The following EGFLAM variants were observed in gnomAD, a reference collection of about 807,000 sequenced individuals.
EGFLAM encodes the protein EGF like, fibronectin type III and laminin G domains.
EGFLAM carries 79 observed loss-of-function variants against 113.1 expected under a neutral mutation model. The ratio of observed to expected loss-of-function variants is 0.70; its 90% CI spans 0.58 to 0.84. The LOEUF (loss-of-function observed/expected upper bound fraction) is 0.84, where lower values mean the gene tolerates loss of function less well. Among genes scored for constraint, EGFLAM ranks in the 40% least tolerant of loss-of-function variants. EGFLAM has a pLI of 0.00. For synonymous variants in EGFLAM, 504 were observed against 487.6 expected (o/e 1.03, Z -0.44); for missense variants, 1,265 against 1,291.6 (o/e 0.98, Z 0.32).
chr5:38,299,081 T>G (rs1162027135), intron 1 of EGFLAM, among the ~76,000 whole-genome samples: 1 of 152,206 alleles, frequency 6.6e-6, no homozygotes, highest in Non-Finnish European at 1.5e-5. Context: ...GATAAGGAAA[T>G]GACCCCTGGG....
rs138340288 is a variant in EGFLAM at position 38,401,471 on chromosome 5, T to C, written c.713-4655T>C. Among the ~76,000 whole-genome samples, 481 of 152,310 alleles carry C rather than the reference T, an allele frequency of 3.2e-3. 1 individual carries two copies. The highest frequency in any genetic ancestry group is 0.014 in the Middle Eastern group (4 of 294). ...TCTGTGGCCTCGGTTTCCATGCTTG[T>C]GAAATGACAAGATTGGGCTGGATGG... On this transcript the variant is annotated intron_variant, in intron 6 of 21. Coordinates refer to ENST00000322350, the MANE Select transcript of EGFLAM (RefSeq NM_152403.4).
chr5:38,453,297 G>A (rs1742980821), intron 19 of EGFLAM, among the ~76,000 whole-genome samples: 1 of 152,174 alleles, frequency 6.6e-6, no homozygotes, highest in African/African-American at 2.4e-5. Flanking sequence ...TGATATGAAA[G>A]TAATTGAATT....
At chr5:38,463,350 T>G (rs1743354479) in intron 21 of EGFLAM, among the ~76,000 whole-genome samples, 2 of 152,232 alleles carry the variant, frequency 1.3e-5, no homozygotes, top group Non-Finnish European at 2.9e-5. Context: ...GACTAGTATT[T>G]CTGTAAATGG....
In EGFLAM at chr5:38,407,759, A is replaced by C. The variant is rs142825514; in HGVS notation, c.1148-46A>C. On this transcript the variant is annotated intron_variant, in intron 8 of 21. Transcript: ENST00000322350. ...TGTATATTGATTTTTGCTTTTGAAG[A>C]AGTGAGGAAATAGCATTCTTTTGTG... 82 of 1,455,174 alleles carry C rather than the reference A, an allele frequency of 5.6e-5. No homozygotes were observed. In the African/African-American group the frequency reaches 1.1e-3, roughly 19 times the overall value. 90.1% of individuals were successfully genotyped at this position (1,455,174 alleles called of 1,614,324 possible).
intron 6 of EGFLAM, among the ~76,000 whole-genome samples, chr5:38,374,154 G>A (rs989695481): frequency 6.6e-6 from 1 of 151,938 alleles, no homozygotes; most frequent in Admixed American, 6.6e-5. Context: ...TGAGTTTTTG[G>A]CCACTTGTAT....
chr5:38,342,418 G>A (rs1249373461), intron 3 of EGFLAM, among the ~76,000 whole-genome samples: 2 of 152,140 alleles, frequency 1.3e-5, no homozygotes, highest in Admixed American at 1.3e-4. Flanking sequence ...AGTAAGATAG[G>A]ACCGATTACC....
Position 38,332,260 on chromosome 5 carries a change from T to C in EGFLAM, c.98-5260T>C, listed in dbSNP as rs145212196. On this transcript the variant is annotated intron_variant, in intron 1 of 21. Coordinates refer to ENST00000322350, the MANE Select transcript of EGFLAM (RefSeq NM_152403.4). ...AGATGTCTGTTAAGGTCTTGGTCCA[T>C]CTTTCTTTTTTGGTTTGTTTTCTTT... Among the ~76,000 whole-genome samples the C allele has an allele frequency of 2.0e-4, 30 of 152,308 alleles. No homozygotes were observed. The East Asian group carries it at 5.4e-3, about 27-fold the overall frequency.
At chr5:38,459,372 A>G (rs187960795) in intron 20 of EGFLAM, among the ~76,000 whole-genome samples, 346 of 151,864 alleles carry the variant, frequency 2.3e-3, no homozygotes, top group Middle Eastern at 6.8e-3. Context: ...CCCCAATTAC[A>G]TATCTCCCCC....
intron 1 of EGFLAM, among the ~76,000 whole-genome samples, chr5:38,325,660 C>G (rs1284235195): frequency 6.6e-6 from 1 of 152,138 alleles, no homozygotes; most frequent in Admixed American, 6.5e-5. Flanking sequence ...TAAATAAATT[C>G]AAGTGGTAAA....
chr5:38,388,587 A>AAAAAAT (rs1554010580), intron 6 of EGFLAM, among the ~76,000 whole-genome samples: 28 of 150,722 alleles, frequency 1.9e-4, no homozygotes, highest in African/African-American at 6.9e-4. Context: ...CTACTAAAAA[A>AAAAAAT]ATATATATAT....
In EGFLAM at chr5:38,294,752, T is replaced by C. The variant is rs755595956; in HGVS notation, c.97+35901T>C. Among the ~76,000 whole-genome samples the C allele has an allele frequency of 6.6e-5, 10 of 152,338 alleles. No homozygotes were observed. In the Middle Eastern group the frequency reaches 0.01, roughly 155 times the overall value. On this transcript the variant is annotated intron_variant, in intron 1 of 21. Transcript: ENST00000322350. ...ATCTCCCTTTCCAGAAAGTATATAATAATTTGAATCCAAATGATATTAATT... is the reference window on the plus strand; with the variant it reads ...ATCTCCCTTTCCAGAAAGTATATAACAATTTGAATCCAAATGATATTAATT...
chr5:38,335,103 G>T (rs1313427168), intron 1 of EGFLAM, among the ~76,000 whole-genome samples: 1 of 152,128 alleles, frequency 6.6e-6, no homozygotes, highest in Non-Finnish European at 1.5e-5. Flanking sequence ...GGACACAAGA[G>T]CTCTGTTTTA....
chr5:38,362,626 G>A (rs1266415693), intron 5 of EGFLAM, among the ~76,000 whole-genome samples: 2 of 152,198 alleles, frequency 1.3e-5, no homozygotes, highest in African/African-American at 2.4e-5. Flanking sequence ...TTGCTTGGAT[G>A]TCAGCTGGGA....
At position 38,458,318 on chromosome 5, in the gene EGFLAM, C is replaced by T. The variant is rs561235439; in HGVS notation, c.2695C>T (p.Leu899=). 1 of 1,613,770 alleles carries T rather than the reference C, an allele frequency of 6.2e-7. No homozygotes were observed. The highest frequency in any genetic ancestry group is 1.3e-5 in the African/African-American group (1 of 75,020). The part of the protein sequence containing the change: ...RDGALVFSYN[L]GSGVASIMVN... ...TCTTCTCCAATGCCTTAGCTATAAC[C>T]TGGGCAGTGGTGTGGCATCCATCAT... Residue 899 remains leucine, a synonymous_variant, in exon 20 of 22, where the codon CTG becomes TTG. Coordinates refer to ENST00000322350, the MANE Select transcript of EGFLAM (RefSeq NM_152403.4).
chr5:38,391,364 T>C (rs1204466879), intron 6 of EGFLAM, among the ~76,000 whole-genome samples: 1 of 151,036 alleles, frequency 6.6e-6, no homozygotes, highest in Non-Finnish European at 1.5e-5. Flanking sequence ...CACAGTGTTT[T>C]AATTTCTTTT....
intron 17 of EGFLAM, among the ~76,000 whole-genome samples, chr5:38,446,480 G>GC (rs1215079977): frequency 6.6e-6 from 1 of 151,600 alleles, no homozygotes; most frequent in African/African-American, 2.4e-5. Flanking sequence ...TTGCCATTTT[G>GC]CCCCCCAACT....
chr5:38,396,578 T>C (rs1273957382), intron 6 of EGFLAM, among the ~76,000 whole-genome samples: 1 of 152,236 alleles, frequency 6.6e-6, no homozygotes, highest in Non-Finnish European at 1.5e-5. Context: ...GCTGTGTACA[T>C]AGCACTGAAT....
At chr5:38,456,498 T>C (rs1248648171) in intron 19 of EGFLAM, among the ~76,000 whole-genome samples, 2 of 152,202 alleles carry the variant, frequency 1.3e-5, no homozygotes, top group Non-Finnish European at 2.9e-5. Flanking sequence ...GGCTGCTTTA[T>C]ACAAGGAGGT....
At position 38,313,365 on chromosome 5, in the gene EGFLAM, T is replaced by C. The variant is rs541552376; in HGVS notation, c.98-24155T>C. 3.9e-5 allele frequency among the ~76,000 whole-genome samples: 6 copies of C among 152,332 alleles called. No individual in the cohort carries two copies. In the South Asian group the frequency reaches 1.2e-3, roughly 32 times the overall value. On this transcript the variant is annotated intron_variant, in intron 1 of 21. Coordinates refer to ENST00000322350, the MANE Select transcript of EGFLAM (RefSeq NM_152403.4). ...TTCTTGGCAAGCATCATTTCAGTAA[T>C]AGGCCATCAAGTACAAATATGTTAT...
Sources: gnomAD v4.1 joint callset for allele counts (sites outside exome capture counted in the v4.1 genomes callset) on GRCh38, gnomAD v4.1.1 for gene constraint, MANE v1.5 for transcripts, NCBI Gene and HGNC (gene_info 2026-07-23, HGNC 2026-07-21) for gene names.